Variants in NOL4L observed in about 807,000 individuals in gnomAD.
NOL4L encodes the protein nucleolar protein 4-like.
A neutral mutation model predicts 64.5 loss-of-function variants in NOL4L; 7 were observed. The ratio of observed to expected loss-of-function variants is 0.11; its 90% CI spans 0.06 to 0.20. NOL4L has a LOEUF of 0.20. Ranked by LOEUF, NOL4L falls within the 10% of genes least tolerant of loss-of-function variation. NOL4L has a pLI of 1.00. For synonymous variants in NOL4L, 413 were observed against 401.0 expected (o/e 1.03, Z -0.36); for missense variants, 680 against 967.1 (o/e 0.70, Z 3.94).
chr20:32,495,201 GGAGTATCCCAGTTAAA>G (rs1444561730), intron 4 of NOL4L, among the ~76,000 whole-genome samples: 1 of 152,242 alleles, frequency 6.6e-6, no homozygotes, highest in East Asian at 1.9e-4. Flanking sequence ...CTCAGCCACA[GGAGTATCCCAGTTAAA>G]GAACATCTTC....
chr20:32,492,980 A>G (rs1282687160), intron 4 of NOL4L, among the ~76,000 whole-genome samples: 1 of 152,138 alleles, frequency 6.6e-6, no homozygotes, highest in Non-Finnish European at 1.5e-5. Context: ...ACCGACCTCC[A>G]GCAGAGCAGG....
intron 5 of NOL4L, among the ~76,000 whole-genome samples, chr20:32,470,701 C>A (rs1379553920): frequency 2.0e-5 from 3 of 152,252 alleles, no homozygotes; most frequent in Admixed American, 6.5e-5. Context: ...CTTTAGGGGA[C>A]CTGGCCCGTG....
chr20:32,490,626 C>T (rs1206217203), intron 4 of NOL4L, among the ~76,000 whole-genome samples: 1 of 152,138 alleles, frequency 6.6e-6, no homozygotes, highest in African/African-American at 2.4e-5. Flanking sequence ...GAGAAACAGT[C>T]CAATACTATT....
intron 4 of NOL4L, chr20:32,475,365 AG>A (rs895024236): frequency 3.2e-4 from 312 of 985,328 alleles, no homozygotes; most frequent in Non-Finnish European, 3.6e-4. Flanking sequence ...CAGAGAAGGA[AG>A]GGGGCGGGGC....
chr20:32,461,223 A>G (rs1372178612), intron 5 of NOL4L, among the ~76,000 whole-genome samples: 1 of 152,086 alleles, frequency 6.6e-6, no homozygotes, highest in Non-Finnish European at 1.5e-5. Context: ...AGGCCCTTCC[A>G]GCGAGCCCCT....
intron 4 of NOL4L, among the ~76,000 whole-genome samples, chr20:32,499,256 G>A (rs933531031): frequency 1.3e-5 from 2 of 152,216 alleles, no homozygotes; most frequent in African/African-American, 4.8e-5. Flanking sequence ...TGCTGTCCAT[G>A]TTTAGAGCCC....
chr20:32,517,725 G>A (rs888852807), intron 3 of NOL4L, among the ~76,000 whole-genome samples: 1 of 152,214 alleles, frequency 6.6e-6, no homozygotes, highest in African/African-American at 2.4e-5. Context: ...GCAGCCTTGT[G>A]TCTGGGCACC....
intron 5 of NOL4L, among the ~76,000 whole-genome samples, chr20:32,466,009 T>G (rs1600678106): frequency 1.4e-5 from 2 of 140,522 alleles, no homozygotes; most frequent in African/African-American, 2.8e-5. Context: ...TGAGATGGAG[T>G]CACTCTGTAG....
chr20:32,525,942 G>C (rs543516284), intron 2 of NOL4L, among the ~76,000 whole-genome samples: 1 of 152,252 alleles, frequency 6.6e-6, no homozygotes, highest in East Asian at 1.9e-4. Context: ...ATTTTTAATA[G>C]AGGTAGGGTT....
chr20:32,485,462 TC>T, intron 4 of NOL4L: 1 of 256,614 alleles, frequency 3.9e-6, no homozygotes, highest in Non-Finnish European at 7.9e-6. Context: ...CACGCAGGCT[TC>T]CTTCCGCACA....
At chr20:32,563,699 A>C (rs1192946465) in intron 1 of NOL4L, among the ~76,000 whole-genome samples, 1 of 152,134 alleles carries the variant, frequency 6.6e-6, no homozygotes, top group Non-Finnish European at 1.5e-5. Flanking sequence ...CATAATCCTA[A>C]ACATGGAGAA....
chr20:32,567,378 C>A (rs1382718214), intron 1 of NOL4L, among the ~76,000 whole-genome samples: 1 of 152,212 alleles, frequency 6.6e-6, no homozygotes, highest in Non-Finnish European at 1.5e-5. Context: ...CACTAGCTGC[C>A]ATGGCGAGGT....
rs1356661360 is a variant in NOL4L at position 32,446,636 on chromosome 20, CAGTGGCTGGTTAGGG to C, written c.*945_*959del. On this transcript the variant is annotated 3_prime_UTR_variant, in exon 11 of 11. Coordinates refer to ENST00000621426, the MANE Select transcript of NOL4L (RefSeq NM_001256798.2). ...GCTGAGGGCCAGAGCTGGAGGGCTG[CAGTGGCTGGTTAGGG>C]ACAGGACGCTCTCTGGGTTCCAGCT... The C allele has an allele frequency of 6.5e-6, 1 of 153,482 alleles. No homozygotes were observed. Among genetic ancestry groups the C allele is most frequent in the African/African-American group, 2.4e-5 (1 of 41,480 alleles). The allele number at this position is 153,482 out of a possible 1,614,324, so 9.5% of individuals were successfully genotyped here.
At chr20:32,568,214 G>T (rs948264379) in intron 1 of NOL4L, among the ~76,000 whole-genome samples, 1 of 151,958 alleles carries the variant, frequency 6.6e-6, no homozygotes, top group South Asian at 2.1e-4. Flanking sequence ...TGTAGCATCC[G>T]TTCCCCACAA....
intron 1 of NOL4L, among the ~76,000 whole-genome samples, chr20:32,549,372 C>T (rs2018769942): frequency 6.6e-6 from 1 of 152,164 alleles, no homozygotes; most frequent in Admixed American, 6.5e-5. Context: ...TACTCAACAT[C>T]ATCGGCCATC....
chr20:32,466,819 A>G (rs1228727302), intron 5 of NOL4L, among the ~76,000 whole-genome samples: 1 of 152,212 alleles, frequency 6.6e-6, no homozygotes, highest in African/African-American at 2.4e-5. Context: ...AGGCCAGCCC[A>G]GGGAGGCTGG....
chr20:32,541,907 TTGAGGCAGGCTCCATTTAAA>T (rs1217706848), intron 1 of NOL4L, among the ~76,000 whole-genome samples: 1 of 152,266 alleles, frequency 6.6e-6, no homozygotes, highest in Admixed American at 6.5e-5. Context: ...GGTGGCCTGT[TTGAGGCAGGCTCCATTTAAA>T]TGACAATAAA....
Position 32,453,670 on chromosome 20 carries a change from G to A in NOL4L, c.1211C>T (p.Ala404Val), listed in dbSNP as rs1232711716. ...ATCGTGGTCATCGTCGTCATCATCT[G>A]CCGTCGGGGCCCGGCCCACTGTCAG... The part of the protein sequence containing the change: ...EDLTVGRAPT[A>V]DDDDDDHDDH... The change falls in exon 7 of 11, where the codon GCA becomes GTA. Residue 404 changes from alanine to valine, a missense_variant. Transcript: ENST00000621426. This position sits in a 1 kb window ranked among gnomAD's most constrained non-coding sequence, Gnocchi z 5.6. 12 of 1,578,794 alleles carry A rather than the reference G, an allele frequency of 7.6e-6. No individual in the cohort carries two copies. Among genetic ancestry groups the A allele is most frequent in the Non-Finnish European group, 8.6e-6 (10 of 1,162,490 alleles).
chr20:32,462,663 T>G (rs1196201021), intron 5 of NOL4L, among the ~76,000 whole-genome samples: 2 of 151,726 alleles, frequency 1.3e-5, no homozygotes, highest in African/African-American at 2.4e-5. Context: ...TCCCAGCACT[T>G]TGGGAGGTAG....
Sources: gnomAD v4.1 joint callset for allele counts (sites outside exome capture counted in the v4.1 genomes callset) on GRCh38, gnomAD v4.1.1 for gene constraint, Gnocchi (gnomAD v3.1) non-coding constraint, MANE v1.5 for transcripts, NCBI Gene and HGNC (gene_info 2026-07-23, HGNC 2026-07-21) for gene names.